The following SNX29 variants were observed in gnomAD, a reference collection of about 807,000 sequenced individuals.
SNX29 encodes the protein sorting nexin-29.
Under a neutral mutation model 102.1 loss-of-function variants are expected in SNX29, and 78 were observed. The ratio of observed to expected loss-of-function variants is 0.76; its 90% CI spans 0.64 to 0.92. The LOEUF (loss-of-function observed/expected upper bound fraction) is 0.92, where lower values mean the gene tolerates loss of function less well. SNX29 is among the 40% of genes least tolerant of loss of function. The probability of loss-of-function intolerance (pLI) is 0.00; values close to 1 mark genes in which losing one functional copy is unlikely to be tolerated. For synonymous variants in SNX29, 580 were observed against 414.5 expected (o/e 1.40, Z -4.85); for missense variants, 1,280 against 1,061.7 (o/e 1.21, Z -2.86).
intron 20 of SNX29, among the ~76,000 whole-genome samples, chr16:12,541,897 C>T (rs1335007272): frequency 1.3e-5 from 2 of 152,154 alleles, no homozygotes; most frequent in African/African-American, 4.8e-5. Flanking sequence ...TATGATGATG[C>T]AACAGATGTT....
Position 12,536,982 on chromosome 16 carries a change from AAAAATAAAAT to A in SNX29, c.2318+12146_2318+12155del, listed in dbSNP as rs200839685. 7.4e-5 allele frequency among the ~76,000 whole-genome samples: 11 copies of A among 148,678 alleles called. No individual in the cohort carries two copies. In the East Asian group the frequency reaches 1.6e-3, roughly 21 times the overall value. On this transcript the variant is annotated intron_variant, in intron 20 of 20. Coordinates refer to ENST00000566228, the MANE Select transcript of SNX29 (RefSeq NM_032167.5). The stretch of plus-strand genomic sequence containing the variant: ...CAGAGTGAGAGAGAACCCGTCTTAA[AAAAATAAAAT>A]AAAAAGAGTTGTTCAGGGCATGGGG...
At chr16:12,013,543 C>CGAGAGAGAGAGAGAGA (rs1433909955) in intron 3 of SNX29, among the ~76,000 whole-genome samples, 1 of 61,876 alleles carries the variant, frequency 1.6e-5, no homozygotes, top group African/African-American at 5.3e-5. Context: ...ATATATATAT[C>CGAGAGAGAGAGAGAGA]GAGAGAGGAG....
chr16:12,169,716 C>G (rs147384571), intron 13 of SNX29, among the ~76,000 whole-genome samples: 93 of 152,164 alleles, frequency 6.1e-4, no homozygotes, highest in Non-Finnish European at 6.8e-4. Flanking sequence ...AAAAAATTAG[C>G]CGGGAATGGT....
intron 18 of SNX29, among the ~76,000 whole-genome samples, chr16:12,475,208 T>A (rs1336253584): frequency 1.3e-5 from 2 of 152,220 alleles, no homozygotes; most frequent in East Asian, 3.8e-4. Context: ...GTTCCTGAAA[T>A]TGCCCACTCG....
rs186419640 is a variant in SNX29 at position 12,572,319 on chromosome 16, G to C, written c.*3690G>C. 1.3e-4 allele frequency: 143 copies of C among 1,062,894 alleles called. 1 individual carries two copies. In the African/African-American group the frequency reaches 2.1e-3, roughly 16 times the overall value. The allele number at this position is 1,062,894 out of a possible 1,614,324, so 65.8% of individuals were successfully genotyped here. ...GTGATCACAATCCAGGTTGGAAACA[G>C]GAGTGAAGCCCACCAGCCTGCCTGG... On this transcript the variant is annotated 3_prime_UTR_variant, in exon 21 of 21. Transcript: ENST00000566228.
intron 19 of SNX29, among the ~76,000 whole-genome samples, chr16:12,506,030 G>A (rs888491284): frequency 2.6e-5 from 4 of 151,990 alleles, no homozygotes; most frequent in South Asian, 2.1e-4. Context: ...GTGTGATCTC[G>A]CCTCACTGCA....
intron 20 of SNX29, among the ~76,000 whole-genome samples, chr16:12,558,350 C>G (rs987049293): frequency 6.6e-6 from 1 of 151,832 alleles, no homozygotes; most frequent in Non-Finnish European, 1.5e-5. Flanking sequence ...GAGGCCCCCT[C>G]AGCATCACAG....
intron 20 of SNX29, among the ~76,000 whole-genome samples, chr16:12,542,378 C>T (rs773179162): frequency 2.0e-5 from 3 of 152,246 alleles, no homozygotes; most frequent in Non-Finnish European, 4.4e-5. Flanking sequence ...TTCTATCACC[C>T]AGGGTGGAGT....
At chr16:12,514,177 G>T (rs1014997022) in intron 19 of SNX29, among the ~76,000 whole-genome samples, 1 of 152,156 alleles carries the variant, frequency 6.6e-6, no homozygotes, top group Non-Finnish European at 1.5e-5. Flanking sequence ...AAAACAGAGG[G>T]GCTTTTTAAA....
intron 1 of SNX29, among the ~76,000 whole-genome samples, chr16:11,981,084 C>T (rs1265092870): frequency 6.6e-6 from 1 of 151,994 alleles, no homozygotes; most frequent in African/African-American, 2.4e-5. Context: ...TCTCCTGCCT[C>T]AGCCTCTGGA....
At chr16:12,008,113 T>G (rs2056519436) in intron 3 of SNX29, among the ~76,000 whole-genome samples, 1 of 151,966 alleles carries the variant, frequency 6.6e-6, no homozygotes, top group South Asian at 2.1e-4. Context: ...CCAGCTAATT[T>G]GTTTGTATTT....
chr16:12,257,510 T>TCTC (rs890262073), intron 14 of SNX29, among the ~76,000 whole-genome samples: 6 of 151,566 alleles, frequency 4.0e-5, no homozygotes, highest in African/African-American at 1.5e-4. Context: ...CATCTCTCTC[T>TCTC]CTCTCTCTCT....
intron 11 of SNX29, among the ~76,000 whole-genome samples, chr16:12,099,607 G>C (rs923933134): frequency 2.0e-5 from 3 of 152,206 alleles, no homozygotes; most frequent in Non-Finnish European, 4.4e-5. Context: ...GGTGAGGGTG[G>C]AGTCCTGTCG....
intron 19 of SNX29, among the ~76,000 whole-genome samples, chr16:12,480,607 G>A (rs532718103): frequency 7.9e-5 from 12 of 152,138 alleles, no homozygotes; most frequent in South Asian, 2.1e-4. Flanking sequence ...CCATTATTGC[G>A]CCCACCACAT....
intron 18 of SNX29, among the ~76,000 whole-genome samples, chr16:12,424,907 A>G (rs1232490296): frequency 2.6e-5 from 4 of 152,204 alleles, no homozygotes; most frequent in African/African-American, 9.7e-5. Flanking sequence ...AATCAACCAC[A>G]TCAATAAATG....
At chr16:12,157,145 C>T (rs1597067517) in intron 13 of SNX29, among the ~76,000 whole-genome samples, 1 of 152,174 alleles carries the variant, frequency 6.6e-6, no homozygotes, top group Admixed American at 6.5e-5. Flanking sequence ...GTGTGGAGAA[C>T]ATGCCTCGCA....
chr16:11,993,101 G>A (rs1382792167), intron 1 of SNX29, among the ~76,000 whole-genome samples: 2 of 151,972 alleles, frequency 1.3e-5, no homozygotes, highest in African/African-American at 2.4e-5. Flanking sequence ...GGAGGTGGAG[G>A]CCTTAGTGAG....
intron 18 of SNX29, among the ~76,000 whole-genome samples, chr16:12,475,204 G>T (rs1375298848): frequency 6.6e-6 from 1 of 152,204 alleles, no homozygotes; most frequent in Non-Finnish European, 1.5e-5. Context: ...AGGGGTTCCT[G>T]AAATTGCCCA....
chr16:12,563,622 A>G (rs2078855855), intron 20 of SNX29, among the ~76,000 whole-genome samples: 2 of 149,240 alleles, frequency 1.3e-5, no homozygotes, highest in Admixed American at 1.3e-4. Flanking sequence ...CACAGACGAG[A>G]CTGTCCTGGC....
Sources: allele counts gnomAD v4.1 joint callset (sites outside exome capture counted in the v4.1 genomes callset), GRCh38; gene constraint gnomAD v4.1.1; transcripts MANE v1.5; gene names NCBI Gene and HGNC (gene_info 2026-07-23, HGNC 2026-07-21).